Variants in NPC1 observed in about 807,000 individuals in gnomAD.
The protein encoded by NPC1 is NPC intracellular cholesterol transporter 1.
Under a neutral mutation model 140.4 loss-of-function variants are expected in NPC1, and 85 were observed. The ratio of observed to expected loss-of-function variants is 0.61; its 90% confidence interval spans 0.51 to 0.72. The LOEUF (loss-of-function observed/expected upper bound fraction) is 0.72, where lower values mean the gene tolerates loss of function less well. Among genes scored for constraint, NPC1 ranks in the 30% least tolerant of loss-of-function variants. The probability of loss-of-function intolerance (pLI) is 0.00; values close to 1 mark genes in which losing one functional copy is unlikely to be tolerated. For synonymous variants in NPC1, 656 were observed against 624.8 expected, an observed-to-expected ratio of 1.05 and a Z score of -0.74; for missense variants, 1,504 against 1,623.8, an observed-to-expected ratio of 0.93 and a Z score of 1.27.
intron 3 of NPC1, among the ~76,000 whole-genome samples, chr18:23,569,757 G>A (rs1362522204): frequency 6.6e-6 from 1 of 152,206 alleles, no homozygotes; most frequent in Non-Finnish European, 1.5e-5. Flanking sequence ...CCCATGGTTT[G>A]TAAAGATAGA....
At chr18:23,553,389 G>A (rs1242319210) in intron 9 of NPC1, among the ~76,000 whole-genome samples, 1 of 152,196 alleles carries the variant, frequency 6.6e-6, no homozygotes, top group African/African-American at 2.4e-5. Context: ...AGGGTATGGA[G>A]CATAAGCTAT....
downstream of NPC1, chr18:23,520,309 C>T (rs1334728105): frequency 1.9e-6 from 3 of 1,611,260 alleles, no homozygotes; most frequent in South Asian, 3.3e-5. Flanking sequence ...AGATCCCCAT[C>T]ACAGGTAACA....
In NPC1 at chr18:23,531,506, A is replaced by AACAATG; in HGVS notation, c.*690_*695dup. 1 of 1,490,450 alleles carries AACAATG rather than the reference A, an allele frequency of 6.7e-7. No individual in the cohort carries two copies. The highest frequency in any genetic ancestry group is 8.9e-7 in the Non-Finnish European group (1 of 1,127,800). 92.3% of individuals were successfully genotyped at this position (1,490,450 alleles called of 1,614,324 possible). ...ATAGGGTAACCCCAAAACTTAGGAA[A>AACAATG]ACAATGTATTTTATTAAAGAAAAAT... On this transcript the variant is annotated 3_prime_UTR_variant, in exon 25 of 25. Transcript: ENST00000269228.
chr18:23,529,414 T>A (rs2058415845), downstream of NPC1: 3 of 1,444,808 alleles, frequency 2.1e-6, no homozygotes, highest in Non-Finnish European at 2.7e-6. Context: ...ATCACTGGAG[T>A]TTCCTTGGGT....
chr18:23,553,824 G>A (rs1244620894), intron 9 of NPC1, among the ~76,000 whole-genome samples: 1 of 152,054 alleles, frequency 6.6e-6, no homozygotes, highest in Admixed American at 6.5e-5. Flanking sequence ...AGCTAGACAT[G>A]CCTCCTAAGG....
intron 4 of NPC1, among the ~76,000 whole-genome samples, chr18:23,562,604 C>A (rs1438457280): frequency 6.6e-6 from 1 of 152,150 alleles, no homozygotes; most frequent in Non-Finnish European, 1.5e-5. Flanking sequence ...TATTCCATTG[C>A]CTTCCAGGCT....
chr18:23,568,491 A>C (rs575164418), intron 4 of NPC1, among the ~76,000 whole-genome samples: 1 of 152,334 alleles, frequency 6.6e-6, no homozygotes, highest in South Asian at 2.1e-4. Flanking sequence ...CTATCTTCTC[A>C]GTCTTGCAGT....
intron 20 of NPC1, among the ~76,000 whole-genome samples, chr18:23,537,636 G>T (rs771959085): frequency 1.3e-5 from 2 of 152,226 alleles, no homozygotes; most frequent in Non-Finnish European, 2.9e-5. Context: ...TGCGTGATGA[G>T]AAATGGAATA....
chr18:23,562,299 AAAAAAAAAAC>A (rs935302435), intron 4 of NPC1, among the ~76,000 whole-genome samples: 3 of 151,156 alleles, frequency 2.0e-5, no homozygotes, highest in African/African-American at 7.3e-5. Context: ...AAAAAAACAA[AAAAAAAAAAC>A]AAAAAAAACC....
intron 7 of NPC1, 107 bp from the exon 8 acceptor site, chr18:23,556,720 C>T: frequency 6.6e-7 from 1 of 1,523,958 alleles, no homozygotes; most frequent in South Asian, 1.2e-5. Flanking sequence ...GAATCAAGCC[C>T]ACCTGGGGAC....
At chr18:23,516,496 C>G in intron 3 of NPC1, 9 of 1,496,828 alleles carry the variant, frequency 6.0e-6, no homozygotes, top group South Asian at 4.6e-5. Context: ...GAGTGTGTTA[C>G]AAGCACCACG....
At chr18:23,529,269 C>T (rs2058409130), downstream of NPC1, 1 of 1,613,538 alleles carries the variant, frequency 6.2e-7, no homozygotes, top group South Asian at 1.1e-5. Flanking sequence ...TGTGTACACC[C>T]ATGTCCTGTC....
rs2058520877 is a variant in NPC1 at position 23,531,843 on chromosome 18, A to C, written c.*359T>G. ...AAAAATATGGTATAGAACTTGTGGGATGGCTTACTCCTAAAAGGAGAGACA... is the reference window on the plus strand; with the variant it reads ...AAAAATATGGTATAGAACTTGTGGGCTGGCTTACTCCTAAAAGGAGAGACA... On this transcript the variant is annotated 3_prime_UTR_variant, in exon 25 of 25. Transcript: ENST00000269228. 1.4e-6 allele frequency: 2 copies of C among 1,463,770 alleles called. No individual in the cohort carries two copies. The highest frequency in any genetic ancestry group is 2.9e-5 in the African/African-American group (2 of 69,982). The allele number at this position is 1,463,770 out of a possible 1,614,324, so 90.7% of individuals were successfully genotyped here.
chr18:23,510,165 A>G (rs1472954599), intron 3 of NPC1, among the ~76,000 whole-genome samples: 1 of 151,910 alleles, frequency 6.6e-6, no homozygotes, highest in Non-Finnish European at 1.5e-5. Context: ...TCTATAAAAA[A>G]TACAAAATGT....
chr18:23,512,367 C>T (rs1298918529), intron 3 of NPC1, among the ~76,000 whole-genome samples: 1 of 152,048 alleles, frequency 6.6e-6, no homozygotes, highest in African/African-American at 2.4e-5. Context: ...AAGTAAGCAT[C>T]TTTTCATTTG....
intron 20 of NPC1, among the ~76,000 whole-genome samples, chr18:23,538,228 C>T (rs1036483140): frequency 6.6e-6 from 1 of 152,202 alleles, no homozygotes; most frequent in Non-Finnish European, 1.5e-5. Flanking sequence ...GCCTGGATTA[C>T]CAGCAGGCCG....
At chr18:23,521,659 A>C (rs2058143474), downstream of NPC1, among the ~76,000 whole-genome samples, 1 of 150,706 alleles carries the variant, frequency 6.6e-6, no homozygotes, top group Non-Finnish European at 1.5e-5. Context: ...TGATTTTAAG[A>C]TAGAACTGAA....
At chr18:23,532,309 T>C in intron 24 of NPC1, 25 bp from the exon 25 acceptor site, 1 of 1,613,876 alleles carries the variant, frequency 6.2e-7, no homozygotes, top group Non-Finnish European at 8.5e-7. Flanking sequence ...GACTTTTTCT[T>C]ATTTCTGCAG....
intron 4 of NPC1, among the ~76,000 whole-genome samples, chr18:23,566,361 G>A (rs934890452): frequency 2.6e-5 from 4 of 152,160 alleles, no homozygotes; most frequent in African/African-American, 9.7e-5. Context: ...TCCAGCCTGG[G>A]TGACAGCATG....
Sources: gnomAD v4.1 joint callset for allele counts (sites outside exome capture counted in the v4.1 genomes callset) on GRCh38, gnomAD v4.1.1 for gene constraint, MANE v1.5 for transcripts, NCBI Gene and HGNC (gene_info 2026-07-23, HGNC 2026-07-21) for gene names.